The following TNFRSF19 variants were observed in gnomAD, a reference collection of about 807,000 sequenced individuals.
TNFRSF19 encodes the protein TNF receptor superfamily member 19.
In TNFRSF19, 27 loss-of-function variants were observed where a neutral mutation model predicts 46.4. The ratio of observed to expected loss-of-function variants is 0.58; its 90% CI spans 0.43 to 0.80. The LOEUF (loss-of-function observed/expected upper bound fraction) is 0.80, where lower values mean the gene tolerates loss of function less well. Ranked by LOEUF, TNFRSF19 falls within the 30% of genes least tolerant of loss-of-function variation. TNFRSF19 has a pLI of 0.00. For synonymous variants in TNFRSF19, 204 were observed against 205.0 expected (o/e 1.00, Z 0.04); for missense variants, 511 against 530.8 (o/e 0.96, Z 0.37).
intron 3 of TNFRSF19, among the ~76,000 whole-genome samples, chr13:23,607,396 G>A (rs528024294): frequency 1.3e-5 from 2 of 152,214 alleles, no homozygotes; most frequent in East Asian, 1.9e-4. Context: ...TTGCACCACC[G>A]CACTCAAGTC....
At chr13:23,575,322 AG>A (rs1291871341) in intron 1 of TNFRSF19, among the ~76,000 whole-genome samples, 2 of 152,212 alleles carry the variant, frequency 1.3e-5, no homozygotes, top group African/African-American at 4.8e-5. Context: ...CACTTACAGG[AG>A]GGGGCTATAA....
At chr13:23,610,649 A>G (rs1317221214) in intron 3 of TNFRSF19, among the ~76,000 whole-genome samples, 1 of 151,992 alleles carries the variant, frequency 6.6e-6, no homozygotes, top group Non-Finnish European at 1.5e-5. Flanking sequence ...ACCTTAAACA[A>G]TATTTGTTCA....
chr13:23,610,128 C>T (rs1880794838), intron 3 of TNFRSF19, among the ~76,000 whole-genome samples: 2 of 152,210 alleles, frequency 1.3e-5, no homozygotes, highest in Non-Finnish European at 2.9e-5. Context: ...TTTGAAAGTT[C>T]AAAGGACTGC....
chr13:23,650,754 T>TA (rs1212271254), intron 5 of TNFRSF19, among the ~76,000 whole-genome samples: 13 of 152,312 alleles, frequency 8.5e-5, no homozygotes, highest in African/African-American at 3.1e-4. Context: ...CAGTTCAATT[T>TA]AAAAAATGTA....
chr13:23,572,912 A>G lies in TNFRSF19; in HGVS notation c.-35+2064A>G, dbSNP rs553971336. On this transcript the variant is annotated intron_variant, in intron 1 of 9. Transcript: ENST00000248484. ...TTCAATGGCAGCTTTGTTACTACAG[A>G]AAGTCCAAGTCTTCAAAAGACTTTT... Among the ~76,000 whole-genome samples, 11 of 152,338 alleles carry G rather than the reference A, an allele frequency of 7.2e-5. No homozygotes were observed. In the East Asian group the frequency reaches 2.1e-3, roughly 29 times the overall value.
chr13:23,598,029 C>T (rs1298659083), intron 3 of TNFRSF19, among the ~76,000 whole-genome samples: 1 of 152,080 alleles, frequency 6.6e-6, no homozygotes, highest in African/African-American at 2.4e-5. Context: ...CAGAAAAGAC[C>T]TTTGACAAAA....
intron 3 of TNFRSF19, among the ~76,000 whole-genome samples, chr13:23,603,603 A>T (rs953728526): frequency 2.6e-5 from 4 of 152,074 alleles, no homozygotes; most frequent in African/African-American, 4.8e-5. Flanking sequence ...AATGTATATT[A>T]AAAAAATCAC....
At chr13:23,665,684 CTA>C (rs1266001477) in intron 7 of TNFRSF19, among the ~76,000 whole-genome samples, 1 of 152,102 alleles carries the variant, frequency 6.6e-6, no homozygotes, top group African/African-American at 2.4e-5. Context: ...TGATGTCCCT[CTA>C]CCCCTTAGTA....
At chr13:23,624,684 A>G (rs1468340897) in intron 4 of TNFRSF19, among the ~76,000 whole-genome samples, 3 of 152,278 alleles carry the variant, frequency 2.0e-5, no homozygotes, top group East Asian at 1.9e-4. Flanking sequence ...CAATCTAGAA[A>G]TAGTCGCTGT....
At chr13:23,640,924 G>A (rs901320645) in intron 5 of TNFRSF19, among the ~76,000 whole-genome samples, 2 of 152,094 alleles carry the variant, frequency 1.3e-5, no homozygotes, top group South Asian at 2.1e-4. Context: ...TTTTAAATAT[G>A]TGATGTTATT....
chr13:23,599,430 G>A (rs1879969450), intron 3 of TNFRSF19, among the ~76,000 whole-genome samples: 1 of 152,160 alleles, frequency 6.6e-6, no homozygotes, highest in Non-Finnish European at 1.5e-5. Context: ...ATGTGTCCAA[G>A]GTGGTAGGGC....
intron 3 of TNFRSF19, among the ~76,000 whole-genome samples, chr13:23,614,742 A>AACACATATATATATATAT (rs2138252369): frequency 1.3e-5 from 1 of 75,326 alleles, no homozygotes; most frequent in Admixed American, 1.2e-4. Flanking sequence ...GTGGATAAGT[A>AACACATATATATATATAT]ATACATATAT....
At position 23,639,780 on chromosome 13, in the gene TNFRSF19, G is replaced by A. The variant is rs9580706; in HGVS notation, c.445+12988G>A. On this transcript the variant is annotated intron_variant, in intron 5 of 9. Transcript: ENST00000248484. The stretch of plus-strand genomic sequence containing the variant: ...AGGCAGTGGTGGGAGGGAGGGAGAG[G>A]AGGAGAGAGCCCAGAGGATTTGGAA... 7.4e-3 allele frequency among the ~76,000 whole-genome samples: 1,125 copies of A among 152,328 alleles called. 13 individuals are homozygous for A. The highest frequency in any genetic ancestry group is 0.026 in the African/African-American group (1,078 of 41,568).
At chr13:23,657,985 A>T (rs1884093032) in intron 5 of TNFRSF19, among the ~76,000 whole-genome samples, 1 of 152,200 alleles carries the variant, frequency 6.6e-6, no homozygotes, top group South Asian at 2.1e-4. Flanking sequence ...GGGGAAGCAG[A>T]GTGAGGGCCC....
At chr13:23,667,120 G>GATATATATATATATATAT (rs746299138) in intron 7 of TNFRSF19, among the ~76,000 whole-genome samples, 9 of 87,706 alleles carry the variant, frequency 1.0e-4, no homozygotes, top group African/African-American at 4.2e-4. Flanking sequence ...AAATCAGAGT[G>GATATATATATATATATAT]ATATATATAT....
rs1369270351 is a variant in TNFRSF19, at chr13:23,570,545, T to G, written c.-338T>G. On this transcript the variant is annotated 5_prime_UTR_variant, in exon 1 of 10. Coordinates refer to ENST00000248484, the MANE Select transcript of TNFRSF19 (RefSeq NM_148957.4). ...TGCAAAAAAGAGGAGGAAAACAACG[T>G]GATCCATGTTTAACAAAAGAGTCTG... The G allele has an allele frequency of 1.3e-5, 2 of 152,212 alleles. No individual in the cohort carries two copies. Among genetic ancestry groups the G allele is most frequent in the Non-Finnish European group, 2.9e-5 (2 of 68,040 alleles). The allele number at this position is 152,212 out of a possible 1,614,324, so 9.4% of individuals were successfully genotyped here.
rs1884291178 is a variant in TNFRSF19, at chr13:23,660,465, C to T, written c.711C>T (p.Cys237=). 1 of 1,613,316 alleles carries T rather than the reference C, an allele frequency of 6.2e-7. No individual in the cohort carries two copies. Among genetic ancestry groups the T allele is most frequent in the Non-Finnish European group, 8.5e-7 (1 of 1,179,994 alleles). Residue 237 remains cysteine (C), a synonymous_variant, in exon 7 of 10, where the codon TGC becomes TGT. Transcript: ENST00000248484. ...ATGCCCACAGAGCCTGCTGCCAGTG[C>T]CGCCGTGACTCAGTGCAGACCTGCG... ...HEYAHRACCQ[C]RRDSVQTCGP...
At position 23,639,822 on chromosome 13, in the gene TNFRSF19, C is replaced by T. The variant is rs962699796; in HGVS notation, c.445+13030C>T. Among the ~76,000 whole-genome samples, 21 of 152,336 alleles carry T rather than the reference C, an allele frequency of 1.4e-4. No individual in the cohort carries two copies. The East Asian group carries it at 3.9e-3, about 28-fold the overall frequency. ...GATTTGGAAAGACCATTTCCAAGCG[C>T]TGCACATGGCTGGATTTGAAAGGAT... On this transcript the variant is annotated intron_variant, in intron 5 of 9. Coordinates refer to ENST00000248484, the MANE Select transcript of TNFRSF19 (RefSeq NM_148957.4).
chr13:23,608,707 T>A (rs2138233115), intron 3 of TNFRSF19, among the ~76,000 whole-genome samples: 1 of 152,354 alleles, frequency 6.6e-6, no homozygotes, highest in East Asian at 1.9e-4. Flanking sequence ...TTTTAATTGA[T>A]GAAAATTAAA....
Sources: gnomAD v4.1 joint callset for allele counts (sites outside exome capture counted in the v4.1 genomes callset) on GRCh38, gnomAD v4.1.1 for gene constraint, MANE v1.5 for transcripts, NCBI Gene and HGNC (gene_info 2026-07-23, HGNC 2026-07-21) for gene names.